RTF1: variants seen among roughly 807,000 people sequenced by gnomAD.
RTF1 encodes the protein RTF1 homolog, Paf1/RNA polymerase II complex component.
RTF1 carries 10 observed loss-of-function variants against 95.7 expected under a neutral mutation model. The ratio of observed to expected loss-of-function variants is 0.10; its 90% CI spans 0.06 to 0.18. The LOEUF (loss-of-function observed/expected upper bound fraction) is 0.18, where lower values mean the gene tolerates loss of function less well. Ranked by LOEUF, RTF1 falls within the 10% of genes least tolerant of loss-of-function variation. The pLI is 1.00. For missense variants in RTF1, 458 were observed against 875.6 expected, an observed-to-expected ratio of 0.52 and a Z score of 6.02; for synonymous variants, 305 against 311.8, an observed-to-expected ratio of 0.98 and a Z score of 0.23.
intron 5 of RTF1, 59 bp downstream of exon 5, chr15:41,464,944 G>C: frequency 6.9e-7 from 1 of 1,453,976 alleles, no homozygotes; most frequent in Non-Finnish European, 9.1e-7. Context: ...GTGTGTGTGT[G>C]TGTGTGTGTG....
chr15:41,443,784 T>C lies in RTF1; in HGVS notation c.309+5353T>C, dbSNP rs144697544. Among the ~76,000 whole-genome samples the C allele has an allele frequency of 6.6e-3, 998 of 151,562 alleles. 15 individuals are homozygous for C. The highest frequency in any genetic ancestry group is 0.023 in the African/African-American group (937 of 41,326). On this transcript the variant is annotated intron_variant, in intron 2 of 17. Transcript: ENST00000389629. ...GCTAGAGGTGCAATAATAGAAAAAT[T>C]GGGCCGGGTGCAGTGGCTCACGCCT...
intron 1 of RTF1, among the ~76,000 whole-genome samples, chr15:41,428,620 T>G (rs943604362): frequency 6.6e-6 from 1 of 151,404 alleles, no homozygotes; most frequent in Non-Finnish European, 1.5e-5. Context: ...TTACCCAAGC[T>G]GAAGTGCAGT....
intron 1 of RTF1, among the ~76,000 whole-genome samples, chr15:41,420,313 C>T (rs537115111): frequency 1.6e-4 from 24 of 152,244 alleles, no homozygotes; most frequent in Non-Finnish European, 2.9e-4. Context: ...GGTATTGATG[C>T]CTTCAGTTTG....
rs528588749 is a variant in RTF1 at position 41,442,325 on chromosome 15, G to A, written c.309+3894G>A. Among the ~76,000 whole-genome samples, 535 of 151,708 alleles carry A rather than the reference G, an allele frequency of 3.5e-3. 1 individual carries two copies. Among genetic ancestry groups the A allele is most frequent in the Non-Finnish European group, 6.3e-3 (430 of 67,936 alleles). On this transcript the variant is annotated intron_variant, in intron 2 of 17. Transcript: ENST00000389629. ...TGGGACTACAGGCGCTCACCACCAC[G>A]CCTGGCTAATTTTTTGTATTTTTAA...
intron 16 of RTF1, among the ~76,000 whole-genome samples, chr15:41,479,417 C>T (rs981378085): frequency 3.3e-4 from 50 of 152,230 alleles, no homozygotes; most frequent in African/African-American, 1.2e-3. Context: ...CTATGTCCTT[C>T]AGCAGCTGGC....
intron 1 of RTF1, among the ~76,000 whole-genome samples, chr15:41,420,726 A>G (rs1045342742): frequency 1.3e-5 from 2 of 152,062 alleles, no homozygotes; most frequent in African/African-American, 2.4e-5. Flanking sequence ...TGGGCCTTCT[A>G]GGCTGGTTTT....
At chr15:41,479,461 A>T (rs1367752394) in intron 16 of RTF1, among the ~76,000 whole-genome samples, 2 of 152,206 alleles carry the variant, frequency 1.3e-5, no homozygotes, top group Non-Finnish European at 2.9e-5. Flanking sequence ...TCTGCTGTGT[A>T]AAATGAGGGT....
chr15:41,428,413 G>T (rs1251507223), intron 1 of RTF1, among the ~76,000 whole-genome samples: 1 of 149,686 alleles, frequency 6.7e-6, no homozygotes, highest in Non-Finnish European at 1.5e-5. Flanking sequence ...GACTACAGGT[G>T]CCCGCCACTA....
intron 1 of RTF1, among the ~76,000 whole-genome samples, chr15:41,437,519 A>G (rs1179685336): frequency 2.0e-5 from 3 of 152,062 alleles, no homozygotes; most frequent in African/African-American, 7.2e-5. Context: ...AAAGAAAAGT[A>G]TCTGGCATCT....
chr15:41,474,342 A>T (rs979415673), intron 8 of RTF1, among the ~76,000 whole-genome samples: 20 of 152,224 alleles, frequency 1.3e-4, no homozygotes, highest in African/African-American at 4.6e-4. Flanking sequence ...TCCCAAATAC[A>T]TCCCTTGTAA....
intron 4 of RTF1, among the ~76,000 whole-genome samples, chr15:41,464,342 G>A (rs373155291): frequency 1.2e-4 from 18 of 149,728 alleles, no homozygotes; most frequent in East Asian, 3.9e-4. Flanking sequence ...CCTCCCTCCC[G>A]GATTAAAGCG....
chr15:41,429,999 A>C (rs1023353025), intron 1 of RTF1, among the ~76,000 whole-genome samples: 4 of 137,560 alleles, frequency 2.9e-5, no homozygotes, highest in African/African-American at 8.0e-5. Context: ...AATTTATTTT[A>C]TTTTTTCTTT....
At chr15:41,440,589 A>G (rs1431938527) in intron 2 of RTF1, among the ~76,000 whole-genome samples, 1 of 149,424 alleles carries the variant, frequency 6.7e-6, no homozygotes, top group Admixed American at 6.8e-5. Flanking sequence ...TCCTGGGTTC[A>G]AGCAATTTTC....
In RTF1 at chr15:41,470,433, G is replaced by A. The variant is rs74012295; in HGVS notation, c.1025+41G>A. The stretch of plus-strand genomic sequence containing the variant: ...TTTTGGTCTAGTAGGCAGGATAGGT[G>A]GGTTTTTGAGGAAGAGCTTGGTATC... On this transcript the variant is annotated intron_variant, in intron 7 of 17. Coordinates refer to ENST00000389629, the MANE Select transcript of RTF1 (RefSeq NM_015138.5). The A allele has an allele frequency of 2.7e-3, 4,390 of 1,599,472 alleles. 123 individuals are homozygous for A. In the African/African-American group the frequency reaches 0.053, roughly 19 times the overall value.
At chr15:41,479,060 T>C in intron 15 of RTF1, 43 bp from the exon 16 acceptor site, 1 of 1,387,646 alleles carries the variant, frequency 7.2e-7, no homozygotes, top group Non-Finnish European at 1.0e-6. Context: ...TAGGACTCTG[T>C]GAGTGTCAAG....
At chr15:41,450,938 C>T (rs773147376) in intron 2 of RTF1, among the ~76,000 whole-genome samples, 3 of 151,940 alleles carry the variant, frequency 2.0e-5, no homozygotes, top group South Asian at 2.1e-4. Flanking sequence ...GGGTGACAAA[C>T]GAGACCCTGG....
At chr15:41,427,542 T>C (rs1203230081) in intron 1 of RTF1, among the ~76,000 whole-genome samples, 1 of 151,980 alleles carries the variant, frequency 6.6e-6, no homozygotes, top group Non-Finnish European at 1.5e-5. Context: ...AAGCTGGGTG[T>C]AGTGGTGTGT....
intron 4 of RTF1, among the ~76,000 whole-genome samples, chr15:41,463,200 T>C (rs1404022214): frequency 6.6e-6 from 1 of 152,254 alleles, no homozygotes; most frequent in East Asian, 1.9e-4. Flanking sequence ...TTTATGTATA[T>C]ACCACATTTT....
intron 3 of RTF1, among the ~76,000 whole-genome samples, chr15:41,454,399 A>T (rs572370735): frequency 3.0e-3 from 450 of 150,382 alleles, no homozygotes; most frequent in Non-Finnish European, 4.8e-3. Flanking sequence ...CCATAAAAAA[A>T]TTTTTTTTTT....
Sources: allele counts gnomAD v4.1 joint callset (sites outside exome capture counted in the v4.1 genomes callset), GRCh38; gene constraint gnomAD v4.1.1; transcripts MANE v1.5; gene names NCBI Gene and HGNC (gene_info 2026-07-23, HGNC 2026-07-21).